The following ERBB4 variants were observed in gnomAD, a reference collection of about 807,000 sequenced individuals.
ERBB4 encodes erb-b2 receptor tyrosine kinase 4.
Under a neutral mutation model 158.0 loss-of-function variants are expected in ERBB4, and 42 were observed. The observed-to-expected ratio is 0.27, with a 90% CI of 0.21 to 0.34. The LOEUF (loss-of-function observed/expected upper bound fraction) is 0.34, where lower values mean the gene tolerates loss of function less well. ERBB4 is among the 10% of genes least tolerant of loss of function. ERBB4 has a pLI of 1.00. For synonymous variants in ERBB4, 583 were observed against 558.7 expected (o/e 1.04, Z -0.61); for missense variants, 1,333 against 1,624.1 (o/e 0.82, Z 3.08).
intron 1 of ERBB4, among the ~76,000 whole-genome samples, chr2:212,422,839 C>A (rs1181430846): frequency 6.6e-6 from 1 of 152,056 alleles, no homozygotes; most frequent in Non-Finnish European, 1.5e-5. Context: ...AAAAGAACCA[C>A]CTAAGGTAAA....
chr2:211,713,129 T>C (rs2073765772), intron 8 of ERBB4, among the ~76,000 whole-genome samples: 1 of 152,168 alleles, frequency 6.6e-6, no homozygotes, highest in Non-Finnish European at 1.5e-5. Flanking sequence ...GAAAGTAAAT[T>C]TCATGCCCCT....
At chr2:211,536,900 C>G (rs2066669979) in intron 20 of ERBB4, among the ~76,000 whole-genome samples, 1 of 151,602 alleles carries the variant, frequency 6.6e-6, no homozygotes, top group African/African-American at 2.4e-5. Context: ...AATCTTTCTC[C>G]CAACCTAGTA....
chr2:212,454,487 C>T (rs150166601), intron 1 of ERBB4, among the ~76,000 whole-genome samples: 18 of 152,236 alleles, frequency 1.2e-4, no homozygotes, highest in African/African-American at 4.3e-4. Flanking sequence ...ATGCATAAAC[C>T]ACAGACTTTG....
chr2:212,527,029 T>C (rs562380101), intron 1 of ERBB4, among the ~76,000 whole-genome samples: 3 of 152,142 alleles, frequency 2.0e-5, no homozygotes, highest in South Asian at 4.1e-4. Flanking sequence ...TGATTAAAAA[T>C]CCAGCGAGTC....
intron 1 of ERBB4, among the ~76,000 whole-genome samples, chr2:212,536,415 T>A (rs961254724): frequency 6.6e-6 from 1 of 152,154 alleles, no homozygotes; most frequent in Non-Finnish European, 1.5e-5. Context: ...ACCCGAGAGC[T>A]TTTCTTTGTG....
chr2:211,448,348 A>T (rs1574507460), intron 20 of ERBB4, among the ~76,000 whole-genome samples: 1 of 152,256 alleles, frequency 6.6e-6, no homozygotes, highest in Non-Finnish European at 1.5e-5. Flanking sequence ...GAAGAAGGTG[A>T]ATCTAAATCC....
At chr2:212,290,510 C>T (rs575560413) in intron 1 of ERBB4, among the ~76,000 whole-genome samples, 4 of 152,212 alleles carry the variant, frequency 2.6e-5, no homozygotes, top group East Asian at 1.9e-4. Flanking sequence ...AGATTCTGTG[C>T]CCTAGGGAAG....
chr2:212,386,589 AC>A (rs1156312820), intron 1 of ERBB4, among the ~76,000 whole-genome samples: 1 of 148,196 alleles, frequency 6.7e-6, no homozygotes, highest in Non-Finnish European at 1.5e-5. Flanking sequence ...AAAAAAAAAA[AC>A]CCATTAACTT....
rs10175721 is a variant in ERBB4 at position 211,802,509 on chromosome 2, T to C, written c.422-14350A>G. 2.8e-3 allele frequency among the ~76,000 whole-genome samples: 427 copies of C among 152,336 alleles called. 2 individuals are homozygous for C. Among genetic ancestry groups the C allele is most frequent in the African/African-American group, 0.01 (419 of 41,584 alleles). On this transcript the variant is annotated intron_variant, in intron 3 of 27. Coordinates refer to ENST00000342788, the MANE Select transcript of ERBB4 (RefSeq NM_005235.3). Reference sequence around the variant, plus strand: ...GGCAACAAACATCTTGAAGAATTGTTGCAAACCAGATGCTAAACCTAAGCC... The same window carrying C: ...GGCAACAAACATCTTGAAGAATTGTCGCAAACCAGATGCTAAACCTAAGCC...
intron 1 of ERBB4, among the ~76,000 whole-genome samples, chr2:212,245,481 A>C (rs2084273155): frequency 6.6e-6 from 1 of 152,206 alleles, no homozygotes; most frequent in South Asian, 2.1e-4. Context: ...GTCATATATT[A>C]TTAATAACAA....
At chr2:211,549,545 G>A (rs898869676) in intron 20 of ERBB4, among the ~76,000 whole-genome samples, 3 of 152,164 alleles carry the variant, frequency 2.0e-5, no homozygotes, top group South Asian at 2.1e-4. Context: ...CCCTAGCCAC[G>A]TTGATCGGGT....
intron 3 of ERBB4, among the ~76,000 whole-genome samples, chr2:211,799,054 T>G (rs566328977): frequency 1.1e-4 from 17 of 152,102 alleles, no homozygotes; most frequent in Non-Finnish European, 2.1e-4. Context: ...CCTCACAATC[T>G]CCAGGTGGCC....
chr2:211,440,288 G>T (rs1354930531), intron 20 of ERBB4, among the ~76,000 whole-genome samples: 3 of 152,144 alleles, frequency 2.0e-5, no homozygotes, highest in African/African-American at 7.2e-5. Context: ...TACTCCTTAG[G>T]CAGCCAATCA....
At chr2:211,952,106 C>T (rs839522) in intron 2 of ERBB4, among the ~76,000 whole-genome samples, 61,464 of 151,834 alleles carry the variant, frequency 0.4, 14,308 homozygotes, top group African/African-American at 0.64. Flanking sequence ...AAAAGAGTTA[C>T]AGGAGATAAA....
intron 1 of ERBB4, among the ~76,000 whole-genome samples, chr2:212,213,586 A>G (rs2083002881): frequency 6.6e-6 from 1 of 151,920 alleles, no homozygotes; most frequent in Non-Finnish European, 1.5e-5. Context: ...GTTAGAAAAT[A>G]TTTACGTTTC....
intron 16 of ERBB4, among the ~76,000 whole-genome samples, chr2:211,641,851 G>C (rs1415440359): frequency 6.6e-6 from 1 of 151,810 alleles, no homozygotes; most frequent in Non-Finnish European, 1.5e-5. Context: ...CTTGATTTAG[G>C]TATTTATAAT....
intron 1 of ERBB4, among the ~76,000 whole-genome samples, chr2:212,208,733 C>T (rs573962034): frequency 6.6e-6 from 1 of 152,256 alleles, no homozygotes; most frequent in African/African-American, 2.4e-5. Context: ...ATGCCAATAA[C>T]AATTATGTCA....
intron 1 of ERBB4, among the ~76,000 whole-genome samples, chr2:212,387,894 C>T (rs1443184556): frequency 6.6e-6 from 1 of 152,088 alleles, no homozygotes; most frequent in African/African-American, 2.4e-5. Flanking sequence ...TGCATACATA[C>T]TATATTCAGA....
chr2:211,888,573 G>A (rs1005636885), intron 3 of ERBB4, among the ~76,000 whole-genome samples: 8 of 152,098 alleles, frequency 5.3e-5, no homozygotes, highest in South Asian at 2.1e-4. Context: ...GAACAGCTCC[G>A]GTCTACAGCT....
Sources: allele counts gnomAD v4.1 joint callset (sites outside exome capture counted in the v4.1 genomes callset), GRCh38; gene constraint gnomAD v4.1.1; transcripts MANE v1.5; gene names NCBI Gene and HGNC (gene_info 2026-07-23, HGNC 2026-07-21).